Variants in WASL observed in about 807,000 individuals in gnomAD.
WASL encodes the protein WASP like actin nucleation promoting factor.
WASL carries 20 observed loss-of-function variants against 55.5 expected under a neutral mutation model. The observed-to-expected ratio is 0.36, with a 90% CI of 0.25 to 0.52. The LOEUF (loss-of-function observed/expected upper bound fraction) is 0.52, where lower values mean the gene tolerates loss of function less well. Ranked by LOEUF, WASL falls within the 20% of genes least tolerant of loss-of-function variation. The pLI, the probability that WASL is intolerant of heterozygous loss-of-function variation, is 0.92. For synonymous variants in WASL, 249 were observed against 217.6 expected (o/e 1.14, Z -1.27); for missense variants, 504 against 622.5 (o/e 0.81, Z 2.03).
intron 1 of WASL, among the ~76,000 whole-genome samples, chr7:123,709,800 G>A (rs1402746466): frequency 6.6e-6 from 1 of 152,140 alleles, no homozygotes; most frequent in Non-Finnish European, 1.5e-5. Flanking sequence ...TTACCACCCT[G>A]GAAGGCAGAT....
chr7:123,704,510 A>G, intron 5 of WASL, 124 bp downstream of exon 5: 3 of 701,902 alleles, frequency 4.3e-6, no homozygotes, highest in Non-Finnish European at 6.9e-6. Flanking sequence ...AATGTATGGT[A>G]CATGTTTCCA....
chr7:123,739,649 A>C (rs1804295624), intron 1 of WASL, among the ~76,000 whole-genome samples: 3 of 152,192 alleles, frequency 2.0e-5, no homozygotes, highest in Admixed American at 2.0e-4. Context: ...CTAAGCTATA[A>C]TGTTTGGTGG....
intron 1 of WASL, among the ~76,000 whole-genome samples, chr7:123,742,287 T>C (rs994417998): frequency 1.3e-5 from 2 of 152,364 alleles, no homozygotes; most frequent in African/African-American, 4.8e-5. Flanking sequence ...AAGGTTCTAG[T>C]GTCTCTTGGT....
chr7:123,687,010 G>T (rs894299176), intron 10 of WASL, among the ~76,000 whole-genome samples: 1 of 151,964 alleles, frequency 6.6e-6, no homozygotes, highest in African/African-American at 2.4e-5. Context: ...GAATTAATAG[G>T]TATCTCAAAT....
intron 1 of WASL, among the ~76,000 whole-genome samples, chr7:123,732,329 C>T (rs1256192708): frequency 1.3e-5 from 2 of 150,996 alleles, no homozygotes; most frequent in South Asian, 4.2e-4. Context: ...GACTCTGTCT[C>T]GAAAAATAAA....
chr7:123,716,458 T>C (rs1803843262), intron 1 of WASL, among the ~76,000 whole-genome samples: 1 of 151,858 alleles, frequency 6.6e-6, no homozygotes, highest in African/African-American at 2.4e-5. Flanking sequence ...TCTGCTTGAA[T>C]CTGCTTGACG....
rs749176515 is a variant in WASL at position 123,692,435 on chromosome 7, T to A, written c.1259A>T (p.Lys420Ile). ...TGGCCGACTGTTCTGCTCCACTTTT[T>A]TTAGCTGAGCACCCTCTCTAATTTG... Reference protein sequence around the residue: ...LDQIREGAQLKKVEQNSRPVS... With the variant: ...LDQIREGAQLIKVEQNSRPVS... Residue 420 changes from lysine to isoleucine, a missense_variant, in exon 9 of 11, where the codon AAA becomes ATA. Lys to Ile is a moderately radical substitution (Grantham distance 102, BLOSUM62 -3). Around this residue, in one of 5 missense-constraint regions of WASL, gnomAD observed 201 missense variants for 206.2 expected, o/e 0.97. Coordinates refer to ENST00000223023, the MANE Select transcript of WASL (RefSeq NM_003941.4). 6.2e-7 allele frequency: 1 copy of A among 1,614,164 alleles called. No homozygotes were observed. The highest frequency in any genetic ancestry group is 8.5e-7 in the Non-Finnish European group (1 of 1,180,030).
rs1206824296 is a variant in WASL, at chr7:123,692,488, A to G, written c.1206T>C (p.Thr402=). The part of the protein sequence containing the change: ...PSDGDHQVPT[T]AGNKAALLDQ... ...CTAAAAGAGCTGCTTTGTTTCCTGC[A>G]GTAGTTGGAACCTGATGGTCCCCAT... Residue 402 remains threonine (T), a synonymous_variant, in exon 9 of 11, where the codon ACT becomes ACC. Coordinates refer to ENST00000223023, the MANE Select transcript of WASL (RefSeq NM_003941.4). 6.2e-7 allele frequency: 1 copy of G among 1,613,930 alleles called. No homozygotes were observed. The highest frequency in any genetic ancestry group is 1.7e-5 in the Admixed American group (1 of 59,992).
chr7:123,734,182 A>G (rs1804188127), intron 1 of WASL, among the ~76,000 whole-genome samples: 1 of 152,172 alleles, frequency 6.6e-6, no homozygotes, highest in South Asian at 2.1e-4. Context: ...AGACACTGAT[A>G]AAAGAAAGAA....
At chr7:123,694,663 T>A in intron 8 of WASL, 52 bp downstream of exon 8, 1 of 1,595,952 alleles carries the variant, frequency 6.3e-7, no homozygotes, top group East Asian at 2.2e-5. Flanking sequence ...TCCATGAAAC[T>A]GACCTCAAAA....
chr7:123,731,609 TC>T (rs1313820525), intron 1 of WASL, among the ~76,000 whole-genome samples: 4 of 152,048 alleles, frequency 2.6e-5, no homozygotes, highest in Admixed American at 2.6e-4. Context: ...CAAAGTATGC[TC>T]TCAGACCATA....
At chr7:123,692,976 G>A (rs945885036) in intron 8 of WASL, 109 bp from the exon 9 acceptor site, 3 of 1,276,168 alleles carry the variant, frequency 2.4e-6, no homozygotes, top group African/African-American at 3.0e-5. Flanking sequence ...ACCAAAAAAG[G>A]GTCTCATCTT....
chr7:123,731,566 C>G (rs897713666), intron 1 of WASL, among the ~76,000 whole-genome samples: 57 of 152,014 alleles, frequency 3.7e-4, no homozygotes, highest in Non-Finnish European at 8.8e-5. Context: ...CCATAAAACA[C>G]ACCTTAACAA....
At chr7:123,723,953 G>A (rs2116807558) in intron 1 of WASL, among the ~76,000 whole-genome samples, 1 of 152,234 alleles carries the variant, frequency 6.6e-6, no homozygotes, top group Non-Finnish European at 1.5e-5. Flanking sequence ...AAATCTTAAT[G>A]AAATTCAATG....
intron 1 of WASL, chr7:123,720,486 T>C: frequency 2.9e-6 from 1 of 346,348 alleles, no homozygotes; most frequent in Non-Finnish European, 5.6e-6. Flanking sequence ...AATAAATAAC[T>C]TACATTTGCC....
chr7:123,706,685 G>T, intron 3 of WASL, 55 bp downstream of exon 3: 2 of 1,264,756 alleles, frequency 1.6e-6, no homozygotes, highest in Non-Finnish European at 2.2e-6. Context: ...ATTTGGATTA[G>T]AAAAGGCAAG....
intron 9 of WASL, among the ~76,000 whole-genome samples, chr7:123,691,459 G>A (rs988769563): frequency 6.6e-6 from 1 of 152,050 alleles, no homozygotes; most frequent in Non-Finnish European, 1.5e-5. Context: ...GAAAATAAGA[G>A]TATTTTTGAT....
chr7:123,731,337 A>T (rs1347679833), intron 1 of WASL, among the ~76,000 whole-genome samples: 1 of 152,220 alleles, frequency 6.6e-6, no homozygotes, highest in Non-Finnish European at 1.5e-5. Flanking sequence ...AACTACAAGG[A>T]CAAATATAGA....
In WASL at chr7:123,684,595, A is replaced by C; in HGVS notation, c.1457-15T>G. On this transcript the variant is annotated splice_polypyrimidine_tract_variant and intron_variant, in intron 10 of 10. Coordinates refer to ENST00000223023, the MANE Select transcript of WASL (RefSeq NM_003941.4). The stretch of plus-strand genomic sequence containing the variant: ...TTCATCTTCATCTACAAGAAAATCA[A>C]GACAATTAAAACATATGCATAAATA... The C allele has an allele frequency of 1.3e-6, 2 of 1,501,132 alleles. No homozygotes were observed. Among genetic ancestry groups the C allele is most frequent in the Non-Finnish European group, 1.8e-6 (2 of 1,116,204 alleles). 93.0% of individuals were successfully genotyped at this position (1,501,132 alleles called of 1,614,324 possible). A position where few individuals can be genotyped will look rare whatever the true frequency, so the allele number is the denominator to read the frequency against.
Sources: allele counts gnomAD v4.1 joint callset (sites outside exome capture counted in the v4.1 genomes callset), GRCh38; gene constraint gnomAD v4.1.1; regional missense constraint gnomAD v4.1.1; transcripts MANE v1.5; gene names NCBI Gene and HGNC (gene_info 2026-07-23, HGNC 2026-07-21).